Variants in RBFOX1 observed in about 807,000 individuals in gnomAD.
The protein encoded by RBFOX1 is RNA binding protein fox-1 homolog 1.
A neutral mutation model predicts 57.7 loss-of-function variants in RBFOX1; 8 were observed. The ratio of observed to expected loss-of-function variants is 0.14; its 90% CI spans 0.08 to 0.25. The LOEUF (loss-of-function observed/expected upper bound fraction) is 0.25, where lower values mean the gene tolerates loss of function less well. Ranked by LOEUF, RBFOX1 falls within the 10% of genes least tolerant of loss-of-function variation. The pLI, the probability that RBFOX1 is intolerant of heterozygous loss-of-function variation, is 1.00. For missense variants in RBFOX1, 611 were observed against 548.5 expected, an observed-to-expected ratio of 1.11 and a Z score of -1.14; for synonymous variants, 326 against 222.4, an observed-to-expected ratio of 1.47 and a Z score of -4.15.
chr16:6,180,704 T>G (rs1422292294), intron 1 of RBFOX1, among the ~76,000 whole-genome samples: 1 of 152,000 alleles, frequency 6.6e-6, no homozygotes, highest in East Asian at 1.9e-4. Flanking sequence ...TAGCTGGGAT[T>G]ACAGGCACCC....
intron 2 of RBFOX1, among the ~76,000 whole-genome samples, chr16:6,335,824 T>G (rs1210650450): frequency 2.5e-5 from 3 of 122,218 alleles, no homozygotes; most frequent in African/African-American, 9.6e-5. Flanking sequence ...AAAGAAAAAA[T>G]AAAACAAAAA....
intron 4 of RBFOX1, among the ~76,000 whole-genome samples, chr16:5,876,182 A>T (rs2057604995): frequency 6.6e-6 from 1 of 152,064 alleles, no homozygotes; most frequent in South Asian, 2.1e-4. Flanking sequence ...GTTAATGAGT[A>T]AAAACAACCA....
intron 3 of RBFOX1, among the ~76,000 whole-genome samples, chr16:5,615,421 T>A (rs2047985469): frequency 6.6e-6 from 1 of 152,218 alleles, no homozygotes; most frequent in African/African-American, 2.4e-5. Context: ...GAGTGGTGTG[T>A]ACTGCTCAAG....
At chr16:6,271,379 G>T (rs1211568041) in intron 1 of RBFOX1, among the ~76,000 whole-genome samples, 4 of 151,894 alleles carry the variant, frequency 2.6e-5, no homozygotes, top group Non-Finnish European at 5.9e-5. Flanking sequence ...AGTCGAGAGT[G>T]ACCACTGCAC....
intron 4 of RBFOX1, among the ~76,000 whole-genome samples, chr16:7,453,663 A>G (rs757308202): frequency 6.6e-6 from 1 of 152,166 alleles, no homozygotes; most frequent in Non-Finnish European, 1.5e-5. Flanking sequence ...CATCCACTTC[A>G]TGCCAAGCAC....
chr16:6,928,117 G>C (rs1315779611), intron 3 of RBFOX1, among the ~76,000 whole-genome samples: 2 of 152,142 alleles, frequency 1.3e-5, no homozygotes, highest in Non-Finnish European at 2.9e-5. Context: ...CCCTTCGGCA[G>C]ATGGCACAAT....
chr16:5,731,260 C>T (rs146082350), intron 3 of RBFOX1, among the ~76,000 whole-genome samples: 23 of 151,976 alleles, frequency 1.5e-4, no homozygotes, highest in East Asian at 9.7e-4. Context: ...TCCACCAGCA[C>T]GATAATGGTT....
At chr16:5,288,783 A>T (rs1257046054) in intron 1 of RBFOX1, among the ~76,000 whole-genome samples, 1 of 151,852 alleles carries the variant, frequency 6.6e-6, no homozygotes, top group Non-Finnish European at 1.5e-5. Flanking sequence ...TGTTAAGAAA[A>T]CCCAGCATCA....
chr16:7,326,766 C>A (rs2096617007), intron 4 of RBFOX1, among the ~76,000 whole-genome samples: 1 of 152,042 alleles, frequency 6.6e-6, no homozygotes, highest in Non-Finnish European at 1.5e-5. Context: ...CCAAACCCAG[C>A]CTCTCCAACT....
chr16:7,100,157 C>T (rs943766930), intron 4 of RBFOX1, among the ~76,000 whole-genome samples: 3 of 151,592 alleles, frequency 2.0e-5, no homozygotes, highest in African/African-American at 4.8e-5. Context: ...GAGAGGGATG[C>T]AGAGAAAACA....
chr16:6,487,973 C>A (rs1224433126), intron 2 of RBFOX1, among the ~76,000 whole-genome samples: 1 of 151,868 alleles, frequency 6.6e-6, no homozygotes, highest in Non-Finnish European at 1.5e-5. Flanking sequence ...TTTGAATTAA[C>A]TTGTTCACAC....
At chr16:6,771,286 C>A (rs555061716) in intron 3 of RBFOX1, among the ~76,000 whole-genome samples, 1 of 152,152 alleles carries the variant, frequency 6.6e-6, no homozygotes. Context: ...ACACAGTCTA[C>A]GGTGCTTTGT....
chr16:6,540,577 A>T (rs1368306639), intron 2 of RBFOX1, among the ~76,000 whole-genome samples: 2 of 126,528 alleles, frequency 1.6e-5, no homozygotes, highest in Admixed American at 2.1e-4. Context: ...GCACCACTGT[A>T]CTCCAGTCTG....
intron 4 of RBFOX1, among the ~76,000 whole-genome samples, chr16:7,132,093 G>A (rs973910576): frequency 1.0e-4 from 15 of 149,418 alleles, no homozygotes; most frequent in African/African-American, 3.7e-4. Flanking sequence ...CCGGGCTGAA[G>A]CAATTCTCCT....
chr16:6,033,762 C>A (rs1484280259), intron 1 of RBFOX1, among the ~76,000 whole-genome samples: 1 of 152,212 alleles, frequency 6.6e-6, no homozygotes, highest in Non-Finnish European at 1.5e-5. Context: ...GCCACCACTT[C>A]CCACACATGT....
intron 5 of RBFOX1, among the ~76,000 whole-genome samples, chr16:7,574,248 G>A (rs2093085440): frequency 6.6e-6 from 1 of 152,192 alleles, no homozygotes; most frequent in Non-Finnish European, 1.5e-5. Flanking sequence ...GGGCTGGAGA[G>A]AGGAAGACTT....
At chr16:7,609,412 G>A (rs751355252) in intron 10 of RBFOX1, among the ~76,000 whole-genome samples, 2 of 152,152 alleles carry the variant, frequency 1.3e-5, no homozygotes, top group African/African-American at 2.4e-5. Flanking sequence ...GGGTGTTGAG[G>A]AGGACATTAA....
At chr16:5,845,062 T>C (rs1597465576) in intron 3 of RBFOX1, among the ~76,000 whole-genome samples, 1 of 27,826 alleles carries the variant, frequency 3.6e-5, no homozygotes, top group South Asian at 1.2e-3. Flanking sequence ...CCCGAGATTC[T>C]TTTTTTTTTT....
At chr16:5,614,283 T>G (rs577290491) in intron 3 of RBFOX1, among the ~76,000 whole-genome samples, 1 of 152,148 alleles carries the variant, frequency 6.6e-6, no homozygotes, top group Non-Finnish European at 1.5e-5. Flanking sequence ...AAACAGAAAC[T>G]TCATTTCCCC....
Sources: allele counts gnomAD v4.1 joint callset (sites outside exome capture counted in the v4.1 genomes callset), GRCh38; gene constraint gnomAD v4.1.1; transcripts MANE v1.5; gene names NCBI Gene and HGNC (gene_info 2026-07-23, HGNC 2026-07-21).